The following CDH13 variants were observed in gnomAD, a reference collection of about 807,000 sequenced individuals.
The protein encoded by CDH13 is cadherin 13.
CDH13 carries 24 observed loss-of-function variants against 63.8 expected under a neutral mutation model. The ratio of observed to expected loss-of-function variants is 0.38; its 90% CI spans 0.27 to 0.53. The LOEUF is 0.53. Among genes scored for constraint, CDH13 ranks in the 20% least tolerant of loss-of-function variants. CDH13 has a pLI of 0.85. For missense variants in CDH13, 1,049 were observed against 903.1 expected, an observed-to-expected ratio of 1.16 and a Z score of -2.07; for synonymous variants, 503 against 355.3, an observed-to-expected ratio of 1.42 and a Z score of -4.67.
chr16:83,229,901 G>A (rs147308791), intron 5 of CDH13, among the ~76,000 whole-genome samples: 14 of 152,262 alleles, frequency 9.2e-5, no homozygotes, highest in African/African-American at 3.4e-4. Context: ...ATAGCAAACT[G>A]GAGAGTCGCA....
In CDH13 at chr16:83,248,193, C is replaced by T. The variant is rs1567537128; in HGVS notation, c.636+30696C>T. Among the ~76,000 whole-genome samples, 3 of 151,950 alleles carry T rather than the reference C, an allele frequency of 2.0e-5. No individual in the cohort carries two copies. In the South Asian group the frequency reaches 6.3e-4, roughly 32 times the overall value. On this transcript the variant is annotated intron_variant, in intron 5 of 13. Coordinates refer to ENST00000567109, the MANE Select transcript of CDH13 (RefSeq NM_001257.5). ...TGTTCCCACCAGCTGGGACAAAGCA[C>T]AGGGAGAGCATCAAGGAGGGGATGA... is the stretch of plus-strand genomic sequence containing the variant.
At chr16:83,734,842 T>G (rs937036497) in intron 10 of CDH13, among the ~76,000 whole-genome samples, 8 of 151,928 alleles carry the variant, frequency 5.3e-5, no homozygotes, top group African/African-American at 1.9e-4. Flanking sequence ...ATGAGGGGTC[T>G]GGCTCCTCAT....
At chr16:82,701,416 A>G (rs1344249685) in intron 1 of CDH13, among the ~76,000 whole-genome samples, 1 of 152,142 alleles carries the variant, frequency 6.6e-6, no homozygotes, top group African/African-American at 2.4e-5. Flanking sequence ...GGTGTTTGAC[A>G]TGCATTGTCA....
intron 6 of CDH13, among the ~76,000 whole-genome samples, chr16:83,380,563 A>T (rs144176469): frequency 1.3e-5 from 2 of 152,364 alleles, no homozygotes; most frequent in African/African-American, 4.8e-5. Flanking sequence ...CATAAAAGAC[A>T]TTCAGAGGTC....
rs368376809 is a variant in CDH13, at chr16:83,748,225, T to C, written c.1656T>C (p.Thr552=). 247 of 1,611,666 alleles carry C rather than the reference T, an allele frequency of 1.5e-4. 1 individual carries two copies. In the African/African-American group the frequency reaches 3.0e-3, roughly 20 times the overall value. The change falls in exon 11 of 14, where the codon ACT becomes ACC. Residue 552 remains threonine (T), a synonymous_variant. Transcript: ENST00000567109. ...ESPFVDNSVY[T]ALFLAIDSGN... ...CATTTGTCGACAACAGCGTGTACACTGCTCTCTTCCTGGCAATTGACAGTG... is the reference window on the plus strand; with the variant it reads ...CATTTGTCGACAACAGCGTGTACACCGCTCTCTTCCTGGCAATTGACAGTG...
intron 1 of CDH13, among the ~76,000 whole-genome samples, chr16:82,728,509 T>C (rs1336228761): frequency 1.3e-5 from 2 of 152,190 alleles, no homozygotes; most frequent in African/African-American, 2.4e-5. Context: ...TCTATTAAGT[T>C]TGAAATAGTA....
rs141600592 is a variant in CDH13 at position 83,465,463 on chromosome 16, C to T, written c.782-21014C>T. On this transcript the variant is annotated intron_variant, in intron 6 of 13. Transcript: ENST00000567109. ...CATGGACATAGATGTAACACCAACCCTTTCCAGGAGAGTGGGTAACAGACA... is the reference window on the plus strand; with the variant it reads ...CATGGACATAGATGTAACACCAACCTTTTCCAGGAGAGTGGGTAACAGACA... Among the ~76,000 whole-genome samples the T allele has an allele frequency of 4.8e-3, 733 of 152,300 alleles. 10 individuals are homozygous for T. The highest frequency in any genetic ancestry group is 0.017 in the African/African-American group (694 of 41,560).
chr16:83,513,949 A>G (rs1325869172), intron 7 of CDH13, among the ~76,000 whole-genome samples: 1 of 152,236 alleles, frequency 6.6e-6, no homozygotes, highest in African/African-American at 2.4e-5. Flanking sequence ...TTTTGAGAGC[A>G]AAGTTTGCCT....
chr16:83,198,278 C>T (rs746339638), intron 4 of CDH13, among the ~76,000 whole-genome samples: 9 of 151,444 alleles, frequency 5.9e-5, no homozygotes, highest in African/African-American at 1.7e-4. Flanking sequence ...CTCATGATTT[C>T]TTTCTCTTCT....
At chr16:82,923,538 G>T (rs1210756076) in intron 2 of CDH13, among the ~76,000 whole-genome samples, 1 of 152,166 alleles carries the variant, frequency 6.6e-6, no homozygotes, top group African/African-American at 2.4e-5. Context: ...GTACTCTGAG[G>T]CTATGGAATC....
intron 1 of CDH13, among the ~76,000 whole-genome samples, chr16:82,832,480 C>T (rs2038586436): frequency 6.6e-6 from 1 of 151,874 alleles, no homozygotes; most frequent in African/African-American, 2.4e-5. Flanking sequence ...TTGTGTTGCT[C>T]TACCAACATG....
chr16:83,098,297 G>T (rs1292127064), intron 3 of CDH13, among the ~76,000 whole-genome samples: 1 of 152,096 alleles, frequency 6.6e-6, no homozygotes, highest in African/African-American at 2.4e-5. Flanking sequence ...TCCTTTCCCA[G>T]CCTTTGCACT....
chr16:83,301,277 C>T (rs898059659), intron 5 of CDH13, among the ~76,000 whole-genome samples: 19 of 151,936 alleles, frequency 1.3e-4, no homozygotes, highest in Non-Finnish European at 2.8e-4. Context: ...ATGATCCGCC[C>T]GCCTCAGCCT....
intron 4 of CDH13, among the ~76,000 whole-genome samples, chr16:83,204,803 C>T (rs1202248931): frequency 2.6e-5 from 4 of 152,194 alleles, no homozygotes; most frequent in Admixed American, 1.3e-4. Flanking sequence ...TGTCATTGTC[C>T]TTTCTTTGGG....
chr16:82,714,217 C>T (rs1171852424), intron 1 of CDH13, among the ~76,000 whole-genome samples: 1 of 152,152 alleles, frequency 6.6e-6, no homozygotes, highest in African/African-American at 2.4e-5. Context: ...CCACTTAAGC[C>T]CTCTTCCCCA....
intron 10 of CDH13, among the ~76,000 whole-genome samples, chr16:83,706,002 G>GT (rs1381105176): frequency 1.3e-5 from 2 of 152,118 alleles, no homozygotes; most frequent in Non-Finnish European, 2.9e-5. Context: ...AAACAACATC[G>GT]TTTTCGTGTC....
At chr16:83,777,033 C>T (rs376804314) in intron 11 of CDH13, among the ~76,000 whole-genome samples, 43 of 152,338 alleles carry the variant, frequency 2.8e-4, no homozygotes, top group African/African-American at 1.0e-3. Context: ...CTTCCCACTG[C>T]ACTCTGCTCT....
At chr16:83,333,364 GA>G (rs2151905324) in intron 5 of CDH13, among the ~76,000 whole-genome samples, 2 of 152,244 alleles carry the variant, frequency 1.3e-5, no homozygotes, top group African/African-American at 4.8e-5. Flanking sequence ...TCTACATAAA[GA>G]TCTACTGGGA....
At chr16:82,639,877 T>A (rs755133812) in intron 1 of CDH13, among the ~76,000 whole-genome samples, 1 of 152,172 alleles carries the variant, frequency 6.6e-6, no homozygotes, top group East Asian at 1.9e-4. Flanking sequence ...CTTGACAGGG[T>A]CCTCACCACT....
Sources: gnomAD v4.1 joint callset for allele counts (sites outside exome capture counted in the v4.1 genomes callset) on GRCh38, gnomAD v4.1.1 for gene constraint, MANE v1.5 for transcripts, NCBI Gene and HGNC (gene_info 2026-07-23, HGNC 2026-07-21) for gene names.